The following WWOX variants were observed in gnomAD, a reference collection of about 807,000 sequenced individuals.
WWOX encodes the protein WW domain-containing oxidoreductase.
WWOX carries 69 observed loss-of-function variants against 46.2 expected under a neutral mutation model. The ratio of observed to expected loss-of-function variants is 1.49; its 90% CI spans 1.23 to 1.82. The LOEUF (loss-of-function observed/expected upper bound fraction) is 1.82, where lower values mean the gene tolerates loss of function less well. WWOX is among the 40% of genes most tolerant of loss of function. The pLI is 0.00. For missense variants in WWOX, 919 were observed against 542.6 expected, an observed-to-expected ratio of 1.69 and a Z score of -6.89; for synonymous variants, 359 against 202.6, an observed-to-expected ratio of 1.77 and a Z score of -6.56.
At chr16:78,368,010 G>A (rs1044780767) in intron 5 of WWOX, among the ~76,000 whole-genome samples, 3 of 152,174 alleles carry the variant, frequency 2.0e-5, no homozygotes, top group African/African-American at 7.2e-5. Context: ...GCCTGCCTCA[G>A]CCTCCCAAAG....
intron 4 of WWOX, among the ~76,000 whole-genome samples, chr16:78,117,386 C>T (rs2032852561): frequency 6.6e-6 from 1 of 152,050 alleles, no homozygotes; most frequent in Non-Finnish European, 1.5e-5. Flanking sequence ...CACCCCATTC[C>T]CCTCCACTCT....
chr16:78,380,915 T>C (rs941787666), intron 5 of WWOX, among the ~76,000 whole-genome samples: 2 of 152,226 alleles, frequency 1.3e-5, no homozygotes, highest in African/African-American at 4.8e-5. Flanking sequence ...TAATAGCATA[T>C]ATTGAGAGCC....
At chr16:78,183,643 A>G (rs186745820) in intron 5 of WWOX, among the ~76,000 whole-genome samples, 1 of 152,300 alleles carries the variant, frequency 6.6e-6, no homozygotes, top group Admixed American at 6.5e-5. Flanking sequence ...CATGCTCAGT[A>G]ACACCTGCCA....
intron 5 of WWOX, among the ~76,000 whole-genome samples, chr16:78,222,680 G>A (rs1035905779): frequency 3.9e-5 from 6 of 152,186 alleles, no homozygotes; most frequent in African/African-American, 1.4e-4. Flanking sequence ...TGTTACAAGA[G>A]GAAATTGTGA....
At chr16:78,752,825 G>A (rs553185935) in intron 8 of WWOX, among the ~76,000 whole-genome samples, 11 of 152,288 alleles carry the variant, frequency 7.2e-5, no homozygotes, top group Admixed American at 2.6e-4. Context: ...CTGGCGAGCC[G>A]CCTTACCTAG....
At chr16:78,843,313 G>T (rs1220125537) in intron 8 of WWOX, among the ~76,000 whole-genome samples, 2 of 150,040 alleles carry the variant, frequency 1.3e-5, no homozygotes, top group East Asian at 1.9e-4. Flanking sequence ...CTTACTTTTT[G>T]GGCTGGTAAA....
chr16:78,935,153 G>T (rs1049009112), intron 8 of WWOX, among the ~76,000 whole-genome samples: 2 of 152,208 alleles, frequency 1.3e-5, no homozygotes, highest in Non-Finnish European at 2.9e-5. Flanking sequence ...TACACTGTTG[G>T]TGGGACTGTA....
At chr16:78,810,294 C>G (rs1474343826) in intron 8 of WWOX, among the ~76,000 whole-genome samples, 1 of 152,212 alleles carries the variant, frequency 6.6e-6, no homozygotes, top group Admixed American at 6.5e-5. Flanking sequence ...TAAATGGCAG[C>G]TTAGCTATGA....
intron 8 of WWOX, chr16:78,890,534 T>A (rs931919521): frequency 6.6e-6 from 1 of 152,260 alleles, no homozygotes; most frequent in African/African-American, 2.4e-5. Context: ...ATGGTGCTGA[T>A]GTCTTCACTT....
In WWOX at chr16:78,144,429, C is replaced by CTATATATATATATATACGTATATATATA. The variant is rs1300458731; in HGVS notation, c.410-19738_410-19737insCGTATATATATATATATATATATATATA. Among the ~76,000 whole-genome samples the CTATATATATATATATACGTATATATATA allele has an allele frequency of 1.4e-3, 22 of 15,398 alleles. 5 individuals are homozygous for CTATATATATATATATACGTATATATATA. The highest frequency in any genetic ancestry group is 2.0e-3 in the Non-Finnish European group (18 of 8,858). 10.1% of individuals were successfully genotyped at this position (15,398 alleles called of 152,430 possible). On this transcript the variant is annotated intron_variant, in intron 4 of 8. Coordinates refer to ENST00000566780, the MANE Select transcript of WWOX (RefSeq NM_016373.4). ...GGTGCAAACGTGGTTTTTGCCATTA[C>CTATATATATATATATACGTATATATATA]TATATATATATATATATACACATAT...
intron 8 of WWOX, among the ~76,000 whole-genome samples, chr16:79,029,534 G>A (rs111515914): frequency 2.6e-4 from 40 of 152,264 alleles, no homozygotes; most frequent in Non-Finnish European, 1.0e-4. Flanking sequence ...GGAACAGGAT[G>A]CTCCTTTAAG....
chr16:78,806,761 C>T (rs1443700355), intron 8 of WWOX, among the ~76,000 whole-genome samples: 1 of 152,162 alleles, frequency 6.6e-6, no homozygotes, highest in East Asian at 1.9e-4. Context: ...CCACCCCAAC[C>T]AGGTTTGCAG....
At chr16:78,210,756 C>G (rs1175359527) in intron 5 of WWOX, among the ~76,000 whole-genome samples, 1 of 152,192 alleles carries the variant, frequency 6.6e-6, no homozygotes. Flanking sequence ...GGCATTTCAT[C>G]ATCTCTAATA....
chr16:79,070,231 C>T (rs574058529), intron 8 of WWOX, among the ~76,000 whole-genome samples: 15 of 150,922 alleles, frequency 9.9e-5, no homozygotes, highest in Non-Finnish European at 1.5e-4. Context: ...TCTGAGAGAA[C>T]ATCATGCTCC....
intron 8 of WWOX, among the ~76,000 whole-genome samples, chr16:78,493,968 G>A (rs1276167942): frequency 2.6e-5 from 4 of 152,168 alleles, no homozygotes; most frequent in African/African-American, 9.7e-5. Context: ...TTCTCACACT[G>A]CTATAAAGAC....
intron 8 of WWOX, among the ~76,000 whole-genome samples, chr16:78,727,067 C>T (rs1265759698): frequency 1.3e-5 from 2 of 152,214 alleles, no homozygotes; most frequent in Middle Eastern, 6.8e-3. Flanking sequence ...GTCCCAGTGC[C>T]CTTGGCAGAC....
intron 8 of WWOX, among the ~76,000 whole-genome samples, chr16:78,853,732 T>C (rs914007749): frequency 2.0e-5 from 3 of 152,136 alleles, no homozygotes; most frequent in East Asian, 1.9e-4. Context: ...CTTCCTGTTA[T>C]GAAACCCAGC....
chr16:79,159,778 C>G (rs991816739), intron 8 of WWOX, among the ~76,000 whole-genome samples: 5 of 152,152 alleles, frequency 3.3e-5, no homozygotes, highest in Admixed American at 2.6e-4. Flanking sequence ...TTGTGGAGTG[C>G]GAATTCTCCT....
chr16:78,155,388 T>C (rs553270789), intron 4 of WWOX, among the ~76,000 whole-genome samples: 9 of 152,326 alleles, frequency 5.9e-5, no homozygotes, highest in African/African-American at 1.9e-4. Context: ...GTGAAAACTA[T>C]GTAAGATAGT....
Sources: gnomAD v4.1 joint callset for allele counts (sites outside exome capture counted in the v4.1 genomes callset) on GRCh38, gnomAD v4.1.1 for gene constraint, MANE v1.5 for transcripts, NCBI Gene and HGNC (gene_info 2026-07-23, HGNC 2026-07-21) for gene names.